The following ADAM12 variants were observed in gnomAD, a reference collection of about 807,000 sequenced individuals.
ADAM12 encodes the protein disintegrin and metalloproteinase domain-containing protein 12.
A neutral mutation model predicts 106.4 loss-of-function variants in ADAM12; 70 were observed. The observed-to-expected ratio is 0.66, with a 90% CI of 0.54 to 0.80. The LOEUF (loss-of-function observed/expected upper bound fraction) is 0.80. ADAM12 is among the 30% of genes least tolerant of loss of function. ADAM12 has a pLI of 0.00. For missense variants in ADAM12, 1,010 were observed against 1,171.9 expected (o/e 0.86, Z 2.02); for synonymous variants, 420 against 433.5 (o/e 0.97, Z 0.39).
chr10:126,243,685 AG>A (rs1958575481), intron 3 of ADAM12, among the ~76,000 whole-genome samples: 4 of 152,224 alleles, frequency 2.6e-5, no homozygotes, highest in Admixed American at 1.3e-4. Flanking sequence ...CTTTCTGAGT[AG>A]AATACTAATG....
At chr10:126,198,775 T>C (rs1957645259) in intron 3 of ADAM12, among the ~76,000 whole-genome samples, 1 of 152,346 alleles carries the variant, frequency 6.6e-6, no homozygotes, top group East Asian at 1.9e-4. Flanking sequence ...TCCATTTTAT[T>C]TTTCTTTAAA....
chr10:126,033,849 G>A (rs908780181), intron 21 of ADAM12, among the ~76,000 whole-genome samples: 7 of 152,158 alleles, frequency 4.6e-5, no homozygotes, highest in East Asian at 1.9e-4. Flanking sequence ...AACAGTCAAC[G>A]CAGAATTCTA....
chr10:126,143,157 CGT>C (rs1259137235), intron 4 of ADAM12, among the ~76,000 whole-genome samples: 1 of 140,790 alleles, frequency 7.1e-6, no homozygotes, highest in Non-Finnish European at 1.5e-5. Flanking sequence ...TATATATGCA[CGT>C]GTATATATAT....
intron 2 of ADAM12, among the ~76,000 whole-genome samples, chr10:126,323,800 C>T (rs537671299): frequency 3.9e-4 from 60 of 152,310 alleles, no homozygotes; most frequent in African/African-American, 1.4e-3. Context: ...GAGGCACAGT[C>T]CAAATTAATC....
At chr10:126,355,052 T>C (rs1457811467) in intron 1 of ADAM12, among the ~76,000 whole-genome samples, 1 of 152,190 alleles carries the variant, frequency 6.6e-6, no homozygotes, top group Non-Finnish European at 1.5e-5. Context: ...ATTTTTATAA[T>C]TGTGTTGAGT....
intron 6 of ADAM12, among the ~76,000 whole-genome samples, chr10:126,115,458 A>ACGCTCC (rs1675399916): frequency 6.6e-6 from 1 of 152,164 alleles, no homozygotes; most frequent in Non-Finnish European, 1.5e-5. Context: ...GCTGACTGTG[A>ACGCTCC]CGCTCCCTGT....
intron 9 of ADAM12, among the ~76,000 whole-genome samples, chr10:126,100,866 G>A (rs576500805): frequency 6.6e-6 from 1 of 152,198 alleles, no homozygotes; most frequent in Non-Finnish European, 1.5e-5. Context: ...AGGTTTTCCA[G>A]GGTGTTCAGA....
At chr10:126,358,721 C>G (rs200317829) in intron 1 of ADAM12, among the ~76,000 whole-genome samples, 1 of 152,050 alleles carries the variant, frequency 6.6e-6, no homozygotes, top group East Asian at 1.9e-4. Context: ...TTGTTGATGA[C>G]GTGTTTCTTC....
At chr10:126,322,216 C>T (rs1041504289) in intron 2 of ADAM12, among the ~76,000 whole-genome samples, 17 of 152,178 alleles carry the variant, frequency 1.1e-4, no homozygotes, top group Non-Finnish European at 2.1e-4. Flanking sequence ...GCTGCTTCTA[C>T]GCAACAGCCC....
rs973461078 is a variant in ADAM12 at position 126,043,730 on chromosome 10, C to T, written c.1996-582G>A. 4.6e-5 allele frequency among the ~76,000 whole-genome samples: 7 copies of T among 152,242 alleles called. No individual in the cohort carries two copies. The highest frequency in any genetic ancestry group is 1.7e-4 in the African/African-American group (7 of 41,466). On this transcript the variant is annotated intron_variant, in intron 17 of 22. Transcript: ENST00000448723. The surrounding 1 kb of genome is among the most constrained non-coding windows in gnomAD (Gnocchi z 4.1). The stretch of plus-strand genomic sequence containing the variant: ...TGCATGGGATTTCCACTAATACTTC[C>T]TGAAGCCTGTCCCCGTGTGTCCTTC...
intron 5 of ADAM12, among the ~76,000 whole-genome samples, chr10:126,119,242 A>T (rs1956042367): frequency 6.6e-6 from 1 of 152,136 alleles, no homozygotes; most frequent in Non-Finnish European, 1.5e-5. Flanking sequence ...GGAGTCTGGA[A>T]GCTCTGGGTT....
intron 21 of ADAM12, among the ~76,000 whole-genome samples, chr10:126,032,252 G>A (rs1265182106): frequency 6.6e-6 from 1 of 152,174 alleles, no homozygotes; most frequent in Non-Finnish European, 1.5e-5. Context: ...CAAAATGTCA[G>A]TGGATTCAAT....
chr10:126,217,393 G>A (rs11244890), intron 3 of ADAM12, among the ~76,000 whole-genome samples: 33,288 of 149,328 alleles, frequency 0.22, 3,867 homozygotes, highest in African/African-American at 0.25. Flanking sequence ...TTGAAACGGA[G>A]TTTCGCTCTT....
intron 2 of ADAM12, among the ~76,000 whole-genome samples, chr10:126,304,525 A>C (rs192101462): frequency 2.6e-5 from 4 of 152,238 alleles, no homozygotes; most frequent in Admixed American, 2.6e-4. Flanking sequence ...CAAGAAACCC[A>C]CTATAAGTAT....
chr10:126,090,761 C>G (rs1955448829), intron 11 of ADAM12: 1 of 152,180 alleles, frequency 6.6e-6, no homozygotes, highest in Admixed American at 6.5e-5. Flanking sequence ...ATTTACAGGC[C>G]TCAGGTCCCA....
chr10:126,118,164 G>A lies in ADAM12; in HGVS notation c.477C>T (p.Asn159=), dbSNP rs1246128181. Residue 159 remains asparagine, a synonymous_variant, in exon 6 of 23, where the codon AAC becomes AAT. Transcript: ENST00000448723. ...TCTTCGCTGGGAAGAGTTTGTATCT[G>A]TTGGTTGCACTTTTCATTGGTTCTA... ...YVLEPMKSAT[N]RYKLFPAKKL... The A allele has an allele frequency of 6.2e-7, 1 of 1,614,132 alleles. No individual in the cohort carries two copies. The highest frequency in any genetic ancestry group is 2.2e-5 in the East Asian group (1 of 44,876).
chr10:126,300,212 T>C (rs753815964), intron 2 of ADAM12, among the ~76,000 whole-genome samples: 1 of 152,136 alleles, frequency 6.6e-6, no homozygotes, highest in Non-Finnish European at 1.5e-5. Flanking sequence ...GGCCAAGAAC[T>C]GGGGTCAGGG....
chr10:126,259,964 C>T (rs1171085803), intron 3 of ADAM12, among the ~76,000 whole-genome samples: 1 of 152,184 alleles, frequency 6.6e-6, no homozygotes, highest in Non-Finnish European at 1.5e-5. Flanking sequence ...AGTCAGACCT[C>T]TTGAGTTCCG....
At position 126,098,461 on chromosome 10, in the gene ADAM12, TG is replaced by T; in HGVS notation, c.950del (p.Pro317GlnfsTer3). 1.9e-6 allele frequency: 3 copies of T among 1,614,138 alleles called. No homozygotes were observed. The highest frequency in any genetic ancestry group is 2.5e-6 in the Non-Finnish European group (3 of 1,179,990). ...YFQGTTIGMA[P>X]IMSMCTADQS... Reference sequence around the variant, plus strand: ...GGTCTGCCGTGCACATGCTCATGATTGGGGCCATGCCGATGGTGGTCCCTTG... The same window carrying T: ...GGTCTGCCGTGCACATGCTCATGATTGGGCCATGCCGATGGTGGTCCCTTG... On this transcript the variant is annotated frameshift_variant, in exon 10 of 23. Coordinates refer to ENST00000448723, the MANE Select transcript of ADAM12 (RefSeq NM_001288973.2). LOFTEE classifies it high-confidence loss of function.
Sources: allele counts gnomAD v4.1 joint callset (sites outside exome capture counted in the v4.1 genomes callset), GRCh38; gene constraint gnomAD v4.1.1; non-coding constraint Gnocchi (gnomAD v3.1); transcripts MANE v1.5; gene names NCBI Gene and HGNC (gene_info 2026-07-23, HGNC 2026-07-21).